The following MS4A12 variants were observed in gnomAD, a reference collection of about 807,000 sequenced individuals.
MS4A12 encodes the protein membrane spanning 4-domains A12, also known as membrane-spanning 4-domains subfamily A member 12.
A neutral mutation model predicts 23.7 loss-of-function variants in MS4A12; 28 were observed. The observed-to-expected ratio is 1.18, with a 90% CI of 0.88 to 1.62. The LOEUF (loss-of-function observed/expected upper bound fraction) is 1.62, where lower values mean the gene tolerates loss of function less well. MS4A12 is among the 40% of genes most tolerant of loss of function. The pLI, the probability that MS4A12 is intolerant of heterozygous loss-of-function variation, is 0.00. For missense variants in MS4A12, 342 were observed against 327.0 expected, an observed-to-expected ratio of 1.05 and a Z score of -0.35; for synonymous variants, 108 against 110.1, an observed-to-expected ratio of 0.98 and a Z score of 0.12.
intron 5 of MS4A12, 148 bp downstream of exon 5, chr11:60,503,965 C>A: frequency 3.0e-6 from 2 of 656,436 alleles, no homozygotes; most frequent in Non-Finnish European, 5.1e-6. Context: ...ATCTCTAGGA[C>A]TATAGAATAA....
Position 60,501,156 on chromosome 11 carries a change from G to A in MS4A12, c.388G>A (p.Gly130Arg), listed in dbSNP as rs764090100. 1.2e-6 allele frequency: 2 copies of A among 1,611,638 alleles called. No homozygotes were observed. The highest frequency in any genetic ancestry group is 1.7e-6 in the Non-Finnish European group (2 of 1,179,202). ...TTTTGCCTCTACTGCTGTTATTGGT[G>A]GATACCCATTCTGGGGTGGCCTTTC... ...LGFASTAVIG[G>R]YPFWGGLSFI... Residue 130 changes from glycine (G) to arginine (R), a missense_variant, in exon 3 of 7, where the codon GGA (glycine) becomes AGA (arginine). Gly to Arg is a moderately radical substitution (Grantham distance 125). Coordinates refer to ENST00000016913, the MANE Select transcript of MS4A12 (RefSeq NM_017716.3).
Position 60,503,809 on chromosome 11 carries a change from T to G in MS4A12, c.580T>G (p.Trp194Gly). Residue 194 changes from tryptophan to glycine, a missense_variant, in exon 5 of 7, where the codon TGG becomes GGG. Coordinates refer to ENST00000016913, the MANE Select transcript of MS4A12 (RefSeq NM_017716.3). Reference sequence around the variant, plus strand: ...CAATGGGGTAGCTGGCCAAGACTACTGGGCCGTGGTAAGTATCCCATACTC... The same window carrying G: ...CAATGGGGTAGCTGGCCAAGACTACGGGGCCGTGGTAAGTATCCCATACTC... ...CINGVAGQDYWAVLSGKGISA... is the reference protein window; with the variant it reads ...CINGVAGQDYGAVLSGKGISA... The G allele has an allele frequency of 6.2e-7, 1 of 1,613,150 alleles. No homozygotes were observed. The highest frequency in any genetic ancestry group is 1.7e-5 in the Admixed American group (1 of 59,960).
intron 2 of MS4A12, among the ~76,000 whole-genome samples, chr11:60,499,512 A>C (rs1338536306): frequency 1.3e-5 from 2 of 152,246 alleles, no homozygotes; most frequent in Non-Finnish European, 2.9e-5. Context: ...TAAGTGAGAT[A>C]GGCTAAACGT....
At chr11:60,498,010 A>G (rs1027593154) in intron 2 of MS4A12, 4 of 175,840 alleles carry the variant, frequency 2.3e-5, no homozygotes, top group Non-Finnish European at 3.6e-5. Context: ...GCAGTCTGGG[A>G]AAGGCTGAGT....
At chr11:60,496,858 C>A (rs2086490846) in intron 1 of MS4A12, among the ~76,000 whole-genome samples, 1 of 152,190 alleles carries the variant, frequency 6.6e-6, no homozygotes, top group South Asian at 2.1e-4. Context: ...TCATGGACGC[C>A]TTCCTCCAAC....
intron 2 of MS4A12, chr11:60,497,835 G>C: frequency 2.1e-6 from 1 of 473,568 alleles, no homozygotes; most frequent in Non-Finnish European, 3.7e-6. Flanking sequence ...ATATTGACGT[G>C]ACAGAAGCAC....
chr11:60,499,681 C>T (rs532287003), intron 2 of MS4A12, among the ~76,000 whole-genome samples: 15 of 152,144 alleles, frequency 9.9e-5, no homozygotes, highest in South Asian at 4.1e-4. Context: ...AATTTTAATT[C>T]GATTTACTTG....
At chr11:60,498,940 T>A (rs2086510270) in intron 2 of MS4A12, among the ~76,000 whole-genome samples, 1 of 152,054 alleles carries the variant, frequency 6.6e-6, no homozygotes, top group African/African-American at 2.4e-5. Flanking sequence ...GAGGGGGCAG[T>A]TGTCAGGAGG....
At chr11:60,499,220 C>T (rs2086512201) in intron 2 of MS4A12, among the ~76,000 whole-genome samples, 1 of 152,202 alleles carries the variant, frequency 6.6e-6, no homozygotes. Flanking sequence ...ACTTGGCACA[C>T]CTGTACCAGT....
chr11:60,502,101 G>A, intron 4 of MS4A12, 62 bp downstream of exon 4: 2 of 1,475,052 alleles, frequency 1.4e-6, no homozygotes, highest in Non-Finnish European at 9.3e-7. Flanking sequence ...TATTGGGGAG[G>A]AAAATTGAAA....
intron 1 of MS4A12, among the ~76,000 whole-genome samples, chr11:60,493,420 T>C (rs941572329): frequency 6.8e-6 from 1 of 146,634 alleles, no homozygotes; most frequent in Non-Finnish European, 1.5e-5. Flanking sequence ...AGGTGAATAA[T>C]AGGTTCAACT....
chr11:60,498,357 G>A (rs1222207335), intron 2 of MS4A12, among the ~76,000 whole-genome samples: 1 of 152,130 alleles, frequency 6.6e-6, no homozygotes, highest in Non-Finnish European at 1.5e-5. Flanking sequence ...AACTCTTCTA[G>A]CCATCTTACT....
In MS4A12 at chr11:60,507,211, T is replaced by C; in HGVS notation, c.*87T>C. On this transcript the variant is annotated 3_prime_UTR_variant, in exon 7 of 7. Coordinates refer to ENST00000016913, the MANE Select transcript of MS4A12 (RefSeq NM_017716.3). ...AGAAGATGTCTTTTATTGTCTACAA[T>C]GATTTCTAGTCTTTAAAAACTGTGT... 1 of 1,075,442 alleles carries C rather than the reference T, an allele frequency of 9.3e-7. No individual in the cohort carries two copies. The highest frequency in any genetic ancestry group is 2.4e-5 in the East Asian group (1 of 42,004). 66.6% of individuals were successfully genotyped at this position (1,075,442 alleles called of 1,614,324 possible). A position where few individuals can be genotyped will look rare whatever the true frequency, so the allele number is the denominator to read the frequency against.
At position 60,497,593 on chromosome 11, in the gene MS4A12, G is replaced by A; in HGVS notation, c.275G>A (p.Gly92Glu). ...TTTAAAGAAGAAGCAAAGGCACTAGGGGTAAGTCTATTTACTACCAGAATT... is the reference window on the plus strand; with the variant it reads ...TTTAAAGAAGAAGCAAAGGCACTAGAGGTAAGTCTATTTACTACCAGAATT... Reference protein sequence around the residue: ...MNFKEEAKALGVIQIMVGLMH... With the variant: ...MNFKEEAKALEVIQIMVGLMH... The change falls in exon 2 of 7, where the codon GGG (glycine) becomes GAG (glutamate). Residue 92 changes from glycine (G) to glutamate (E), a missense_variant and splice_region_variant. By Grantham distance (98) the Gly-to-Glu change is moderately conservative. Transcript: ENST00000016913. The A allele has an allele frequency of 1.2e-6, 2 of 1,613,752 alleles. No individual in the cohort carries two copies. Among genetic ancestry groups the A allele is most frequent in the Non-Finnish European group, 1.7e-6 (2 of 1,179,738 alleles).
chr11:60,494,535 G>T (rs933130312), intron 1 of MS4A12, among the ~76,000 whole-genome samples: 27 of 152,090 alleles, frequency 1.8e-4, no homozygotes, highest in African/African-American at 6.0e-4. Context: ...TCTTGAAATT[G>T]ACCCTGTTCA....
rs927492930 is a variant in MS4A12, at chr11:60,507,397, C to G, written c.*273C>G. On this transcript the variant is annotated 3_prime_UTR_variant, in exon 7 of 7. Transcript: ENST00000016913. ...GTTAGAAATGTTTCTGTTCATATTA[C>G]TTTTTCCTTAATAAAATGTCATTAG... 2.7e-6 allele frequency: 1 copy of G among 369,892 alleles called. No homozygotes were observed. The highest frequency in any genetic ancestry group is 4.9e-6 in the Non-Finnish European group (1 of 205,614). 22.9% of individuals were successfully genotyped at this position (369,892 alleles called of 1,614,324 possible).
At chr11:60,494,171 C>G (rs929919488) in intron 1 of MS4A12, among the ~76,000 whole-genome samples, 1 of 152,114 alleles carries the variant, frequency 6.6e-6, no homozygotes, top group Non-Finnish European at 1.5e-5. Flanking sequence ...GTCTTTAATT[C>G]CTTTTATAAA....
At position 60,507,239 on chromosome 11, in the gene MS4A12, G is replaced by A. The variant is rs2086578064; in HGVS notation, c.*115G>A. On this transcript the variant is annotated 3_prime_UTR_variant, in exon 7 of 7. Coordinates refer to ENST00000016913, the MANE Select transcript of MS4A12 (RefSeq NM_017716.3). Reference sequence around the variant, plus strand: ...TTTCTAGTCTTTAAAAACTGTGTTTGAGATTTGTTTTTAGGTTGGTCGCTA... The same window carrying A: ...TTTCTAGTCTTTAAAAACTGTGTTTAAGATTTGTTTTTAGGTTGGTCGCTA... 1.1e-6 allele frequency: 1 copy of A among 885,392 alleles called. No individual in the cohort carries two copies. Among genetic ancestry groups the A allele is most frequent in the African/African-American group, 1.7e-5 (1 of 59,324 alleles). 54.8% of individuals were successfully genotyped at this position (885,392 alleles called of 1,614,324 possible).
intron 4 of MS4A12, among the ~76,000 whole-genome samples, chr11:60,502,499 A>C (rs188398170): frequency 6.6e-6 from 1 of 152,332 alleles, no homozygotes; most frequent in African/African-American, 2.4e-5. Context: ...GTGTTTTACA[A>C]TTCTTTAAAT....
Sources: allele counts gnomAD v4.1 joint callset (sites outside exome capture counted in the v4.1 genomes callset), GRCh38; gene constraint gnomAD v4.1.1; transcripts MANE v1.5; gene names NCBI Gene and HGNC (gene_info 2026-07-23, HGNC 2026-07-21).